UGT1A3: variants seen among roughly 807,000 people sequenced by gnomAD.
The protein encoded by UGT1A3 is UDP glucuronosyltransferase family 1 member A3, also known as UDP-glucuronosyltransferase 1A3.
UGT1A3 carries 31 observed loss-of-function variants against 41.0 expected under a neutral mutation model. The ratio of observed to expected loss-of-function variants is 0.76; its 90% CI spans 0.57 to 1.02. UGT1A3 has a LOEUF of 1.02. Ranked by LOEUF, UGT1A3 falls within the 50% of genes least tolerant of loss-of-function variation. UGT1A3 has a pLI of 0.00. For synonymous variants in UGT1A3, 262 were observed against 257.6 expected (o/e 1.02, Z -0.17); for missense variants, 737 against 671.0 (o/e 1.10, Z -1.09).
At chr2:233,732,080 C>A (rs1261829762) in intron 1 of UGT1A3, among the ~76,000 whole-genome samples, 1 of 152,166 alleles carries the variant, frequency 6.6e-6, no homozygotes, top group Non-Finnish European at 1.5e-5. Context: ...GCATAAATGT[C>A]TTCTTTTGAG....
chr2:233,760,284 C>T lies in UGT1A3; in HGVS notation c.868-6750C>T, dbSNP rs752018052. On this transcript the variant is annotated intron_variant, in intron 1 of 4. Coordinates refer to ENST00000482026, the MANE Select transcript of UGT1A3 (RefSeq NM_019093.4). ...GGCGAACCTCTGGCAGGAGCAAAGG[C>T]GCCATGGCTGTGGAGTCCCAGGGCG... The T allele has an allele frequency of 5.6e-6, 9 of 1,612,882 alleles. No homozygotes were observed. Among genetic ancestry groups the T allele is most frequent in the Middle Eastern group, 1.9e-4 (1 of 5,180 alleles).
In UGT1A3 at chr2:233,772,937, T is replaced by C; in HGVS notation, c.*378T>C. 1 of 341,386 alleles carries C rather than the reference T, an allele frequency of 2.9e-6. No homozygotes were observed. The highest frequency in any genetic ancestry group is 5.4e-6 in the Non-Finnish European group (1 of 186,324). 21.1% of individuals were successfully genotyped at this position (341,386 alleles called of 1,614,324 possible). A position where few individuals can be genotyped will look rare whatever the true frequency, so the allele number is the denominator to read the frequency against. ...CAAATGGCAGTTTTAATCTTATCTT[T>C]TGGCTTCTGCAGATGGTTGCAATTG... On this transcript the variant is annotated 3_prime_UTR_variant, in exon 5 of 5. Coordinates refer to ENST00000482026, the MANE Select transcript of UGT1A3 (RefSeq NM_019093.4).
chr2:233,755,079 A>C, intron 1 of UGT1A3: 1 of 1,336,770 alleles, frequency 7.5e-7, no homozygotes, highest in Non-Finnish European at 1.0e-6. Flanking sequence ...GCGGTCATAG[A>C]TATCGCGTTT....
Position 233,772,483 on chromosome 2 carries a change from G to C in UGT1A3, c.1529G>C (p.Cys510Ser). The change falls in exon 5 of 5, where the codon TGT (cysteine) becomes TCT (serine). Residue 510 changes from cysteine to serine, a missense_variant. Physicochemically the swap from Cys to Ser is moderately radical, Grantham distance 112. Transcript: ENST00000482026. ...ACAGTGGCCTTCATCACCTTTAAAT[G>C]TTGTGCTTATGGCTACCGGAAATGC... ...VLTVAFITFK[C>S]CAYGYRKCLG... The C allele has an allele frequency of 6.2e-7, 1 of 1,614,146 alleles. No individual in the cohort carries two copies. The highest frequency in any genetic ancestry group is 8.5e-7 in the Non-Finnish European group (1 of 1,180,048).
Position 233,768,531 on chromosome 2 carries a change from G to A in UGT1A3, c.1307+92G>A, listed in dbSNP as rs868518109. ...AAACATTTACGTAGCATTTAATAGC[G>A]TTGTTTCAAATATAAAAACAAATAC... On this transcript the variant is annotated intron_variant, in intron 4 of 4. Transcript: ENST00000482026. 3.8e-5 allele frequency: 56 copies of A among 1,481,648 alleles called. No individual in the cohort carries two copies. In the East Asian group the frequency reaches 3.8e-4, roughly 10 times the overall value. 91.8% of individuals were successfully genotyped at this position (1,481,648 alleles called of 1,614,324 possible).
rs1030911458 is a variant in UGT1A3 at position 233,746,492 on chromosome 2, A to G, written c.867+16499A>G. Among the ~76,000 whole-genome samples, 6 of 151,536 alleles carry G rather than the reference A, an allele frequency of 4.0e-5. 1 individual carries two copies. Among genetic ancestry groups the G allele is most frequent in the African/African-American group, 1.5e-4 (6 of 40,956 alleles). ...CAGAAACACTTTCCATGGACATGTC[A>G]CTCTTTAGTAGCCCCCAAAGCAAGA... On this transcript the variant is annotated intron_variant, in intron 1 of 4. Coordinates refer to ENST00000482026, the MANE Select transcript of UGT1A3 (RefSeq NM_019093.4).
chr2:233,741,488 C>CA (rs1484608191), intron 1 of UGT1A3: 1 of 151,842 alleles, frequency 6.6e-6, no homozygotes, highest in Non-Finnish European at 1.5e-5. Context: ...GTCTGATGTA[C>CA]AAAAAACTGA....
intron 1 of UGT1A3, among the ~76,000 whole-genome samples, chr2:233,748,877 G>T (rs1694052195): frequency 6.6e-6 from 1 of 151,560 alleles, no homozygotes; most frequent in Admixed American, 6.6e-5. Flanking sequence ...GGACGGTGAT[G>T]AATGGACATG....
intron 1 of UGT1A3, chr2:233,741,566 A>C (rs1338597407): frequency 6.6e-6 from 1 of 151,914 alleles, no homozygotes; most frequent in Non-Finnish European, 1.5e-5. Flanking sequence ...TTGTATGAGA[A>C]TCAACTACCC....
chr2:233,760,308 C>T lies in UGT1A3; in HGVS notation c.868-6726C>T, dbSNP rs780253764. Reference sequence around the variant, plus strand: ...GCGCCATGGCTGTGGAGTCCCAGGGCGGACGCCCACTTGTCCTGGGCCTGC... The same window carrying T: ...GCGCCATGGCTGTGGAGTCCCAGGGTGGACGCCCACTTGTCCTGGGCCTGC... On this transcript the variant is annotated intron_variant, in intron 1 of 4. Transcript: ENST00000482026. 9.9e-6 allele frequency: 16 copies of T among 1,613,678 alleles called. No homozygotes were observed. The highest frequency in any genetic ancestry group is 1.7e-5 in the Admixed American group (1 of 60,028).
In UGT1A3 at chr2:233,749,353, T is replaced by G. The variant is rs1479557854; in HGVS notation, c.868-17681T>G. On this transcript the variant is annotated intron_variant, in intron 1 of 4. Transcript: ENST00000482026. The stretch of plus-strand genomic sequence containing the variant: ...GTTGAAAAGTGGGATGGAATTTAAA[T>G]AGTGACTCTTGCCCTTTTCTTCCAG... 5.9e-5 allele frequency among the ~76,000 whole-genome samples: 9 copies of G among 151,918 alleles called. 1 individual carries two copies. The East Asian group carries it at 1.7e-3, about 29-fold the overall frequency.
At chr2:233,751,036 G>T (rs1694621697) in intron 1 of UGT1A3, among the ~76,000 whole-genome samples, 1 of 151,846 alleles carries the variant, frequency 6.6e-6, no homozygotes, top group South Asian at 2.1e-4. Context: ...AGCTTGCACT[G>T]TGTGCCTGGA....
At chr2:233,766,081 A>G (rs913982065) in intron 1 of UGT1A3, among the ~76,000 whole-genome samples, 2 of 152,278 alleles carry the variant, frequency 1.3e-5, no homozygotes, top group Admixed American at 6.5e-5. Context: ...ACCTTGTCGC[A>G]AGGACAGAGG....
intron 1 of UGT1A3, chr2:233,747,837 C>A: frequency 1.9e-6 from 3 of 1,613,500 alleles, no homozygotes; most frequent in African/African-American, 1.3e-5. Flanking sequence ...GACATTCCTG[C>A]AAAGGGTCAA....
At chr2:233,744,245 C>T (rs1692747856) in intron 1 of UGT1A3, among the ~76,000 whole-genome samples, 1 of 151,742 alleles carries the variant, frequency 6.6e-6, no homozygotes, top group Non-Finnish European at 1.5e-5. Flanking sequence ...ACTTTGGCTG[C>T]CTGAAGAACT....
At chr2:233,758,949 A>G (rs1697026086) in intron 1 of UGT1A3, among the ~76,000 whole-genome samples, 1 of 152,184 alleles carries the variant, frequency 6.6e-6, no homozygotes, top group Non-Finnish European at 1.5e-5. Flanking sequence ...AGTCATCAGA[A>G]TTTCCCCAAA....
At chr2:233,759,502 A>G (rs1487597943) in intron 1 of UGT1A3, among the ~76,000 whole-genome samples, 1 of 152,052 alleles carries the variant, frequency 6.6e-6, no homozygotes, top group Non-Finnish European at 1.5e-5. Flanking sequence ...GGTTCACACT[A>G]ATAAAGGCCT....
chr2:233,768,305 G>C lies in UGT1A3; in HGVS notation c.1173G>C (p.Met391Ile). The change falls in exon 4 of 5, where the codon ATG (methionine) becomes ATC (isoleucine). Residue 391 changes from methionine (M) to isoleucine (I), a missense_variant. Coordinates refer to ENST00000482026, the MANE Select transcript of UGT1A3 (RefSeq NM_019093.4). ...ESICNGVPMV[M>I]MPLFGDQMDN... ...TATGCAATGGCGTTCCCATGGTGAT[G>C]ATGCCCTTGTTTGGTGATCAGATGG... 1 of 1,614,202 alleles carries C rather than the reference G, an allele frequency of 6.2e-7. No individual in the cohort carries two copies. The highest frequency in any genetic ancestry group is 8.5e-7 in the Non-Finnish European group (1 of 1,180,040).
intron 1 of UGT1A3, among the ~76,000 whole-genome samples, chr2:233,737,264 C>T (rs890532000): frequency 3.3e-5 from 5 of 152,196 alleles, no homozygotes; most frequent in South Asian, 2.1e-4. Flanking sequence ...TCAGCAATGG[C>T]GGACACCCCT....
Sources: allele counts gnomAD v4.1 joint callset (sites outside exome capture counted in the v4.1 genomes callset), GRCh38; gene constraint gnomAD v4.1.1; transcripts MANE v1.5; gene names NCBI Gene and HGNC (gene_info 2026-07-23, HGNC 2026-07-21).